Variants in LY86 observed in about 807,000 individuals in gnomAD.
The protein encoded by LY86 is lymphocyte antigen 86, also known as MD-1, RP105-associated.
In LY86, 20 loss-of-function variants were observed where a neutral mutation model predicts 17.3. The ratio of observed to expected loss-of-function variants is 1.15; its 90% CI spans 0.81 to 1.68. The LOEUF (loss-of-function observed/expected upper bound fraction) is 1.68, where lower values mean the gene tolerates loss of function less well. Among genes scored for constraint, LY86 ranks in the 40% most tolerant of loss-of-function variants. LY86 has a pLI of 0.00. For synonymous variants in LY86, 74 were observed against 70.6 expected (o/e 1.05, Z -0.24); for missense variants, 200 against 191.9 (o/e 1.04, Z -0.25).
At chr6:6,598,218 T>C (rs910366810) in intron 1 of LY86, among the ~76,000 whole-genome samples, 1 of 152,214 alleles carries the variant, frequency 6.6e-6, no homozygotes, top group Non-Finnish European at 1.5e-5. Flanking sequence ...TAATCGAATA[T>C]AGCAGATTTT....
intron 1 of LY86, among the ~76,000 whole-genome samples, chr6:6,604,605 T>C (rs1364002031): frequency 1.3e-5 from 2 of 151,960 alleles, no homozygotes; most frequent in Non-Finnish European, 2.9e-5. Flanking sequence ...GAAAAGGCAA[T>C]TTCTGAAGAA....
intron 1 of LY86, among the ~76,000 whole-genome samples, chr6:6,600,293 A>T (rs17142356): frequency 0.081 from 12,363 of 152,152 alleles, 1,391 homozygotes; most frequent in African/African-American, 0.25. Flanking sequence ...ATGCCTGATG[A>T]AAATATAGCA....
At chr6:6,595,713 A>G (rs564190313) in intron 1 of LY86, among the ~76,000 whole-genome samples, 2 of 152,286 alleles carry the variant, frequency 1.3e-5, no homozygotes, top group East Asian at 3.9e-4. Context: ...CCAAATTAAA[A>G]GAAGTATATG....
At chr6:6,604,814 G>A (rs1293694371) in intron 1 of LY86, among the ~76,000 whole-genome samples, 3 of 143,070 alleles carry the variant, frequency 2.1e-5, no homozygotes, top group African/African-American at 7.9e-5. Flanking sequence ...AGACCAACCA[G>A]GATAAAACCA....
At chr6:6,614,433 T>C (rs531729737) in intron 1 of LY86, among the ~76,000 whole-genome samples, 59 of 151,784 alleles carry the variant, frequency 3.9e-4, no homozygotes, top group African/African-American at 1.4e-3. Flanking sequence ...AAATCATTGC[T>C]CTCCGCCCGA....
chr6:6,597,285 A>C (rs1044035336), intron 1 of LY86, among the ~76,000 whole-genome samples: 7 of 152,128 alleles, frequency 4.6e-5, no homozygotes, highest in Admixed American at 1.3e-4. Context: ...TCCTGGCAGA[A>C]CCTGACAGCA....
intron 1 of LY86, among the ~76,000 whole-genome samples, chr6:6,601,249 G>A (rs992611753): frequency 6.6e-6 from 1 of 152,152 alleles, no homozygotes; most frequent in Non-Finnish European, 1.5e-5. Context: ...GAGAAGCAGT[G>A]GTAGGAGAAC....
intron 1 of LY86, among the ~76,000 whole-genome samples, chr6:6,606,541 G>A (rs375681529): frequency 1.3e-5 from 2 of 152,166 alleles, no homozygotes; most frequent in African/African-American, 2.4e-5. Flanking sequence ...TCGTCGGGGA[G>A]GCTTGGGCGG....
In LY86 at chr6:6,652,193, C is replaced by T. The variant is rs74961570; in HGVS notation, c.406-2351C>T. On this transcript the variant is annotated intron_variant, in intron 4 of 4. Coordinates refer to ENST00000230568, the MANE Select transcript of LY86 (RefSeq NM_004271.4). ...GCTGATGGTACTCAAGCAAATATTG[C>T]CCAGTGTGAGGGCATCGCATGTACA... 8.8e-3 allele frequency among the ~76,000 whole-genome samples: 1,345 copies of T among 152,022 alleles called. 13 individuals are homozygous for T. The highest frequency in any genetic ancestry group is 0.028 in the South Asian group (137 of 4,808).
At chr6:6,599,138 G>T (rs1760818670) in intron 1 of LY86, among the ~76,000 whole-genome samples, 1 of 152,188 alleles carries the variant, frequency 6.6e-6, no homozygotes, top group Non-Finnish European at 1.5e-5. Context: ...GAAATACTTG[G>T]AATCTCCAAA....
chr6:6,637,593 A>T (rs977899142), intron 3 of LY86, among the ~76,000 whole-genome samples: 4 of 152,230 alleles, frequency 2.6e-5, no homozygotes, highest in Non-Finnish European at 5.9e-5. Context: ...GAAGCTAATT[A>T]AGATGGCCAA....
intron 1 of LY86, among the ~76,000 whole-genome samples, chr6:6,614,108 T>C (rs1292832648): frequency 1.3e-5 from 2 of 152,126 alleles, no homozygotes; most frequent in Non-Finnish European, 2.9e-5. Context: ...AATCAGTGTT[T>C]AGGAAACAAA....
At chr6:6,627,931 C>T (rs1006102734) in intron 3 of LY86, among the ~76,000 whole-genome samples, 1 of 152,112 alleles carries the variant, frequency 6.6e-6, no homozygotes, top group Non-Finnish European at 1.5e-5. Flanking sequence ...AAAGAACAAA[C>T]AATACAACAA....
intron 1 of LY86, among the ~76,000 whole-genome samples, chr6:6,605,609 G>C (rs985086958): frequency 6.6e-6 from 1 of 152,270 alleles, no homozygotes; most frequent in Non-Finnish European, 1.5e-5. Context: ...TGACATTGCA[G>C]CCTCATCTCA....
At chr6:6,614,175 AG>A (rs1321916041) in intron 1 of LY86, among the ~76,000 whole-genome samples, 1 of 152,166 alleles carries the variant, frequency 6.6e-6, no homozygotes, top group Non-Finnish European at 1.5e-5. Context: ...AGAGGCACGA[AG>A]CACACACAAC....
chr6:6,626,803 A>G (rs1372124117), intron 3 of LY86, among the ~76,000 whole-genome samples: 3 of 150,994 alleles, frequency 2.0e-5, no homozygotes, highest in African/African-American at 7.4e-5. Context: ...GATGTCCTTA[A>G]TATAGTAATG....
At chr6:6,631,346 G>A (rs747332865) in intron 3 of LY86, among the ~76,000 whole-genome samples, 5 of 152,178 alleles carry the variant, frequency 3.3e-5, no homozygotes, top group Non-Finnish European at 7.3e-5. Flanking sequence ...CTGGGTTTCT[G>A]TCCAGCTCCA....
intron 3 of LY86, among the ~76,000 whole-genome samples, chr6:6,631,870 T>G (rs926023685): frequency 3.9e-5 from 6 of 152,236 alleles, no homozygotes; most frequent in Admixed American, 6.5e-5. Flanking sequence ...TATAATTGAT[T>G]TGGCTTTGTT....
At chr6:6,635,633 C>A (rs1466537402) in intron 3 of LY86, among the ~76,000 whole-genome samples, 2 of 152,180 alleles carry the variant, frequency 1.3e-5, no homozygotes, top group Non-Finnish European at 2.9e-5. Flanking sequence ...TTTAGACTTC[C>A]TGCTCCTTCA....
Sources: allele counts gnomAD v4.1 joint callset (sites outside exome capture counted in the v4.1 genomes callset), GRCh38; gene constraint gnomAD v4.1.1; transcripts MANE v1.5; gene names NCBI Gene and HGNC (gene_info 2026-07-23, HGNC 2026-07-21).